The following TGM3 variants were observed in gnomAD, a reference collection of about 807,000 sequenced individuals.
TGM3 encodes transglutaminase 3.
In TGM3, 52 loss-of-function variants were observed where a neutral mutation model predicts 73.8. The observed-to-expected ratio is 0.70, with a 90% CI of 0.56 to 0.89. TGM3 has a LOEUF of 0.89. Ranked by LOEUF, TGM3 falls within the 40% of genes least tolerant of loss-of-function variation. The probability of loss-of-function intolerance (pLI) is 0.00; values close to 1 mark genes in which losing one functional copy is unlikely to be tolerated. For synonymous variants in TGM3, 372 were observed against 354.9 expected (o/e 1.05, Z -0.54); for missense variants, 928 against 909.9 (o/e 1.02, Z -0.26).
intron 8 of TGM3, among the ~76,000 whole-genome samples, chr20:2,327,014 T>G (rs549869996): frequency 7.4e-4 from 112 of 152,170 alleles, no homozygotes; most frequent in Admixed American, 3.4e-3. Flanking sequence ...TGGAGGTAAC[T>G]GAGACATTTG....
intron 9 of TGM3, among the ~76,000 whole-genome samples, chr20:2,329,861 T>A (rs1048388126): frequency 2.0e-5 from 3 of 152,196 alleles, no homozygotes; most frequent in African/African-American, 2.4e-5. Flanking sequence ...TAAATAGCAG[T>A]GGTGATCTTT....
In TGM3 at chr20:2,334,966, A is replaced by G. The variant is rs1051037938; in HGVS notation, c.1643-150A>G. The G allele has an allele frequency of 2.1e-6, 2 of 955,872 alleles. No homozygotes were observed. Among genetic ancestry groups the G allele is most frequent in the Non-Finnish European group, 3.1e-6 (2 of 641,130 alleles). The allele number at this position is 955,872 out of a possible 1,614,324, so 59.2% of individuals were successfully genotyped here. ...CCACCCTGACCGGGGGACGCTTCCC[A>G]CAGGACCTGGCCCAAGGAGGGCTCA... On this transcript the variant is annotated intron_variant, in intron 10 of 12. Coordinates refer to ENST00000381458, the MANE Select transcript of TGM3 (RefSeq NM_003245.4). The surrounding 1 kb of genome is among the most constrained non-coding windows in gnomAD (Gnocchi z 4.0).
At chr20:2,339,702 G>A in intron 11 of TGM3, 152 bp from the exon 12 acceptor site, 5 of 973,208 alleles carry the variant, frequency 5.1e-6, no homozygotes, top group Non-Finnish European at 7.6e-6. Flanking sequence ...CAGACACAAT[G>A]TGCCTGGCAC....
chr20:2,333,793 G>C (rs2084333220), intron 10 of TGM3, among the ~76,000 whole-genome samples: 1 of 152,192 alleles, frequency 6.6e-6, no homozygotes, highest in Non-Finnish European at 1.5e-5. Flanking sequence ...AGAGAAGGCA[G>C]GTGTAGTGGT....
chr20:2,326,025 A>G, intron 8 of TGM3, 73 bp downstream of exon 8: 1 of 1,421,746 alleles, frequency 7.0e-7, no homozygotes, highest in Non-Finnish European at 9.7e-7. Flanking sequence ...AGCATAGGGA[A>G]GTAACTCCAA....
chr20:2,306,135 T>A (rs2084175429), intron 1 of TGM3, among the ~76,000 whole-genome samples: 1 of 152,104 alleles, frequency 6.6e-6, no homozygotes, highest in Non-Finnish European at 1.5e-5. Context: ...CAGCAAACAA[T>A]GCATGAACTT....
rs140291783 is a variant in TGM3, at chr20:2,335,144, C to T, written c.1671C>T (p.Tyr557=). The T allele has an allele frequency of 6.3e-5, 102 of 1,614,224 alleles. No individual in the cohort carries two copies. Among genetic ancestry groups the T allele is most frequent in the African/African-American group, 8.0e-5 (6 of 75,068 alleles). ...CAGAACATCCCATAAAGATCTCGTA[C>T]GCTCAGTATGAGAAGTACCTGAAGT... is the stretch of plus-strand genomic sequence containing the variant. ...EEAEHPIKIS[Y]AQYEKYLKSD... Residue 557 remains tyrosine, a synonymous_variant, in exon 11 of 13, where the codon TAC becomes TAT. Transcript: ENST00000381458.
chr20:2,325,688 A>C (rs2084283122), intron 7 of TGM3, among the ~76,000 whole-genome samples, 161 bp from the exon 8 acceptor site: 1 of 152,202 alleles, frequency 6.6e-6, no homozygotes, highest in Non-Finnish European at 1.5e-5. Flanking sequence ...GAGGATTTCC[A>C]CGAGACGATG....
At chr20:2,310,582 T>C (rs1490683149) in intron 3 of TGM3, among the ~76,000 whole-genome samples, 165 bp downstream of exon 3, 2 of 152,204 alleles carry the variant, frequency 1.3e-5, no homozygotes, top group Non-Finnish European at 2.9e-5. Flanking sequence ...TAAGCAGCTG[T>C]CTGAGTGTGG....
chr20:2,318,358 C>A (rs2122229562), intron 7 of TGM3, among the ~76,000 whole-genome samples: 1 of 152,246 alleles, frequency 6.6e-6, no homozygotes, highest in Non-Finnish European at 1.5e-5. Context: ...TATTCCTAAC[C>A]ATAAGTATGC....
rs45619944 is a variant in TGM3, at chr20:2,320,576, C to A, written c.983+3091C>A. On this transcript the variant is annotated intron_variant, in intron 7 of 12. Transcript: ENST00000381458. ...GGGGACCTCAGTGACATTTTCTAGG[C>A]CTTTCTTTTAATCAGATTCACAGCA... is the stretch of plus-strand genomic sequence containing the variant. 9.0e-4 allele frequency among the ~76,000 whole-genome samples: 137 copies of A among 152,274 alleles called. 1 individual carries two copies. The highest frequency in any genetic ancestry group is 2.5e-3 in the African/African-American group (105 of 41,558).
At position 2,317,468 on chromosome 20, in the gene TGM3, G is replaced by T. The variant is rs747341040; in HGVS notation, c.966G>T (p.Lys322Asn). The T allele has an allele frequency of 6.2e-7, 1 of 1,614,222 alleles. No individual in the cohort carries two copies. The highest frequency in any genetic ancestry group is 8.5e-7 in the Non-Finnish European group (1 of 1,180,040). Residue 322 changes from lysine (K) to asparagine (N), a missense_variant, in exon 7 of 13, where the codon AAG (lysine) becomes AAT (asparagine). Transcript: ENST00000381458. ...YYDPMGNPLDKGSDSVWNFHV... is the reference protein window; with the variant it reads ...YYDPMGNPLDNGSDSVWNFHV... ...ACCCCATGGGAAACCCCCTGGACAA[G>T]GGTAGTGATAGCGTATGGTAAGTAT...
At chr20:2,296,433 G>A (rs185377575) in intron 1 of TGM3, among the ~76,000 whole-genome samples, 73 of 152,256 alleles carry the variant, frequency 4.8e-4, no homozygotes, top group Non-Finnish European at 7.5e-4. Flanking sequence ...CTCGGGTCTC[G>A]TGTTTCTCAG....
At chr20:2,298,426 G>A (rs1490261069) in intron 1 of TGM3, among the ~76,000 whole-genome samples, 1 of 152,220 alleles carries the variant, frequency 6.6e-6, no homozygotes, top group Non-Finnish European at 1.5e-5. Context: ...TAGTGGCAGA[G>A]TTCTCAGGGT....
chr20:2,340,019 A>AG (rs1568635804), intron 12 of TGM3, 32 bp downstream of exon 12: 6 of 140,060 alleles, frequency 4.3e-5, no homozygotes, highest in Admixed American at 2.6e-4. Flanking sequence ...CCGGTGCAGG[A>AG]GGGCGGGAGG....
chr20:2,340,781 T>C lies in TGM3; in HGVS notation c.*200T>C. ...GGCTGGGTCCACCCTGTCCTATGAC[T>C]TGATCACTTTTGCACATTCCCTGGC... On this transcript the variant is annotated 3_prime_UTR_variant, in exon 13 of 13. Transcript: ENST00000381458. The C allele has an allele frequency of 1.4e-6, 1 of 727,724 alleles. No individual in the cohort carries two copies. The highest frequency in any genetic ancestry group is 1.5e-5 in the South Asian group (1 of 67,388). 45.1% of individuals were successfully genotyped at this position (727,724 alleles called of 1,614,324 possible).
chr20:2,340,726 C>A lies in TGM3; in HGVS notation c.*145C>A. On this transcript the variant is annotated 3_prime_UTR_variant, in exon 13 of 13. Transcript: ENST00000381458. ...CCAGACATGGACCTCCAGGCTCCAGCACATCCCCCTCTCCTCTCCCCCAGG... is the reference window on the plus strand; with the variant it reads ...CCAGACATGGACCTCCAGGCTCCAGAACATCCCCCTCTCCTCTCCCCCAGG... The A allele has an allele frequency of 1.9e-6, 2 of 1,046,958 alleles. No homozygotes were observed. The highest frequency in any genetic ancestry group is 2.8e-6 in the Non-Finnish European group (2 of 702,402). 64.9% of individuals were successfully genotyped at this position (1,046,958 alleles called of 1,614,324 possible).
At position 2,328,457 on chromosome 20, in the gene TGM3, C is replaced by T. The variant is rs1057023384; in HGVS notation, c.1333+92C>T. ...GAGAGGAGAAAAGTCCTCACCTCCC[C>T]CGCACTGGCAGCCAGTTCTGCCTGA... On this transcript the variant is annotated intron_variant, in intron 9 of 12. Coordinates refer to ENST00000381458, the MANE Select transcript of TGM3 (RefSeq NM_003245.4). The surrounding 1 kb of genome is among the most constrained non-coding windows in gnomAD (Gnocchi z 5.2). 6.5e-6 allele frequency: 10 copies of T among 1,528,340 alleles called. No individual in the cohort carries two copies. The allele number at this position is 1,528,340 out of a possible 1,614,324, so 94.7% of individuals were successfully genotyped here. A position where few individuals can be genotyped will look rare whatever the true frequency, so the allele number is the denominator to read the frequency against.
rs1269614226 is a variant in TGM3, at chr20:2,310,407, C to A, written c.411C>A (p.Pro137=). 6.2e-7 allele frequency: 1 copy of A among 1,614,206 alleles called. No homozygotes were observed. Among genetic ancestry groups the A allele is most frequent in the Admixed American group, 1.7e-5 (1 of 60,026 alleles). ...KLGTFILLFN[P]WLNVDSVFMG... ...GGACGTTCATACTGCTTTTTAACCC[C>A]TGGCTGAATGGTAGGTGTCTAGCCA... Residue 137 remains proline, a synonymous_variant, in exon 3 of 13, where the codon CCC becomes CCA. Transcript: ENST00000381458.
Sources: gnomAD v4.1 joint callset for allele counts (sites outside exome capture counted in the v4.1 genomes callset) on GRCh38, gnomAD v4.1.1 for gene constraint, Gnocchi (gnomAD v3.1) non-coding constraint, MANE v1.5 for transcripts, NCBI Gene and HGNC (gene_info 2026-07-23, HGNC 2026-07-21) for gene names.